The following ARHGAP33 variants were observed in gnomAD, a reference collection of about 807,000 sequenced individuals.
ARHGAP33 encodes the protein rho GTPase-activating protein 33.
In ARHGAP33, 57 loss-of-function variants were observed where a neutral mutation model predicts 126.2. That is an observed-to-expected ratio of 0.45 (90% CI 0.36 to 0.56). The LOEUF is 0.56. Among genes scored for constraint, ARHGAP33 ranks in the 20% least tolerant of loss-of-function variants. ARHGAP33 has a pLI of 0.00. For missense variants in ARHGAP33, 1,500 were observed against 1,748.3 expected, an observed-to-expected ratio of 0.86 and a Z score of 2.53; for synonymous variants, 711 against 755.0, an observed-to-expected ratio of 0.94 and a Z score of 0.95.
chr19:35,785,744 T>G, intron 19 of ARHGAP33: 2 of 1,316,666 alleles, frequency 1.5e-6, no homozygotes, highest in Non-Finnish European at 1.9e-6. Flanking sequence ...TTTAAAATAA[T>G]ATCATGGACA....
chr19:35,787,813 A>G lies in ARHGAP33; in HGVS notation c.3248A>G (p.Glu1083Gly). The G allele has an allele frequency of 6.2e-7, 1 of 1,600,986 alleles. No individual in the cohort carries two copies. Among genetic ancestry groups the G allele is most frequent in the Admixed American group, 1.8e-5 (1 of 55,888 alleles). Residue 1083 changes from glutamate (E) to glycine (G), a missense_variant, in exon 21 of 21, where the codon GAG (glutamate) becomes GGG (glycine). Glu to Gly is a moderately conservative substitution (Grantham distance 98). Around this residue, in one of 6 missense-constraint regions of ARHGAP33, gnomAD observed 642 missense variants for 634.0 expected, o/e 1.01. Transcript: ENST00000007510. ...LGPPAPLDRG[E>G]NLYYEIGASE... ...CCCCCTGCACCACTCGACAGGGGAG[A>G]GAACCTGTACTATGAGATCGGGGCA...
At chr19:35,780,070 T>C (rs1481197254) in intron 6 of ARHGAP33, 141 bp from the exon 7 acceptor site, 8 of 1,195,028 alleles carry the variant, frequency 6.7e-6, no homozygotes, top group Admixed American at 1.8e-5. Flanking sequence ...AACAGGAATC[T>C]AGGTGTTTGA....
rs1972015533 is a variant in ARHGAP33, at chr19:35,784,802, C to T, written c.1568-151C>T. 5.1e-6 allele frequency: 7 copies of T among 1,373,204 alleles called. No homozygotes were observed. In the Admixed American group the frequency reaches 1.7e-4, roughly 34 times the overall value. The allele number at this position is 1,373,204 out of a possible 1,614,324, so 85.1% of individuals were successfully genotyped here. On this transcript the variant is annotated intron_variant, in intron 16 of 20. Coordinates refer to ENST00000007510, the MANE Select transcript of ARHGAP33 (RefSeq NM_001366178.1). ...GCCCTCCTCCCACCTGCCTGCTGCCCGCCTGCTCCCGCCTGATCCGCCCCG... is the reference window on the plus strand; with the variant it reads ...GCCCTCCTCCCACCTGCCTGCTGCCTGCCTGCTCCCGCCTGATCCGCCCCG...
Position 35,775,640 on chromosome 19 carries a change from C to G in ARHGAP33, c.-19C>G, listed in dbSNP as rs1233609680. ...GCGAGGGGTCGAGCGCGGCCGGGGC[C>G]TGAGGAGGCTACGCGACCATGGTGG... On this transcript the variant is annotated 5_prime_UTR_variant, in exon 1 of 21. Transcript: ENST00000007510. 6.5e-7 allele frequency: 1 copy of G among 1,540,872 alleles called. No individual in the cohort carries two copies. The highest frequency in any genetic ancestry group is 8.7e-7 in the Non-Finnish European group (1 of 1,149,318).
intron 1 of ARHGAP33, 139 bp from the exon 2 acceptor site, chr19:35,777,506 C>A: frequency 1.4e-6 from 1 of 700,452 alleles, no homozygotes; most frequent in Non-Finnish European, 2.5e-6. Flanking sequence ...CCCTCACCTC[C>A]CCCGACCTGC....
chr19:35,784,325 C>T lies in ARHGAP33; in HGVS notation c.1567+8C>T. 3 of 1,552,222 alleles carry T rather than the reference C, an allele frequency of 1.9e-6. No individual in the cohort carries two copies. In the South Asian group the frequency reaches 3.7e-5, roughly 19 times the overall value. Reference sequence around the variant, plus strand: ...CCGGCCTCGACCCTGCAGGTATGCCCTCCCACCCCCTGAGGTCCTGGCTAC... The same window carrying T: ...CCGGCCTCGACCCTGCAGGTATGCCTTCCCACCCCCTGAGGTCCTGGCTAC... On this transcript the variant is annotated splice_region_variant and intron_variant, in intron 16 of 20. Transcript: ENST00000007510.
At chr19:35,784,026 G>T in intron 15 of ARHGAP33, 146 bp from the exon 16 acceptor site, 1 of 630,948 alleles carries the variant, frequency 1.6e-6, no homozygotes, top group Non-Finnish European at 2.6e-6. Flanking sequence ...CTGGGGGAAG[G>T]TTGAGAGCCC....
In ARHGAP33 at chr19:35,787,321, A is replaced by G; in HGVS notation, c.2756A>G (p.Glu919Gly). Residue 919 changes from glutamate to glycine, a missense_variant, in exon 21 of 21, where the codon GAG (glutamate) becomes GGG (glycine). Glu to Gly is a moderately conservative substitution (Grantham distance 98). This residue lies in a region of ARHGAP33 where 642 missense variants were observed against 634.0 expected (regional missense o/e 1.01). Coordinates refer to ENST00000007510, the MANE Select transcript of ARHGAP33 (RefSeq NM_001366178.1). ...QQVAEQQSQQ[E>G]CGGTPPASQS... is the part of the protein sequence containing the mutation. Reference sequence around the variant, plus strand: ...GTGGCCGAGCAACAGAGCCAGCAGGAGTGTGGGGGCACCCCACCTGCTTCC... The same window carrying G: ...GTGGCCGAGCAACAGAGCCAGCAGGGGTGTGGGGGCACCCCACCTGCTTCC... 1 of 1,612,124 alleles carries G rather than the reference A, an allele frequency of 6.2e-7. No homozygotes were observed. Among genetic ancestry groups the G allele is most frequent in the Non-Finnish European group, 8.5e-7 (1 of 1,179,234 alleles).
chr19:35,788,169 C>G lies in ARHGAP33; in HGVS notation c.3604C>G (p.Pro1202Ala). The G allele has an allele frequency of 6.2e-7, 1 of 1,610,098 alleles. No homozygotes were observed. The highest frequency in any genetic ancestry group is 1.1e-5 in the South Asian group (1 of 90,966). Residue 1202 changes from proline (P) to alanine (A), a missense_variant, in exon 21 of 21, where the codon CCA (proline) becomes GCA (alanine). By Grantham distance (27) the Pro-to-Ala change is conservative. This residue lies in a region of ARHGAP33 where 642 missense variants were observed against 634.0 expected (regional missense o/e 1.01). Transcript: ENST00000007510. ...HPRSRSDPGP[P>A]VPRLPQKQRA... Reference sequence around the variant, plus strand: ...CCGAAGCCGTTCAGATCCCGGTCCCCCAGTCCCCCGCCTTCCCCAGAAACA... The same window carrying G: ...CCGAAGCCGTTCAGATCCCGGTCCCGCAGTCCCCCGCCTTCCCCAGAAACA...
Position 35,786,334 on chromosome 19 carries a change from C to G in ARHGAP33, c.1943-79C>G, listed in dbSNP as rs1417825949. 1 of 1,460,998 alleles carries G rather than the reference C, an allele frequency of 6.8e-7. No individual in the cohort carries two copies. The highest frequency in any genetic ancestry group is 1.4e-5 in the African/African-American group (1 of 70,624). 90.5% of individuals were successfully genotyped at this position (1,460,998 alleles called of 1,614,324 possible). On this transcript the variant is annotated intron_variant, in intron 19 of 20. Transcript: ENST00000007510. The surrounding 1 kb of genome is among the most constrained non-coding windows in gnomAD (Gnocchi z 7.0). ...CTGTGGCCCTCTCCAGGAGGCGCCT[C>G]TTCATGTCCTTTCCCCAGCTTTCTG...
rs528984139 is a variant in ARHGAP33 at position 35,786,658 on chromosome 19, C to A, written c.2188C>A (p.Arg730Ser). Residue 730 changes from arginine (R) to serine (S), a missense_variant, in exon 20 of 21, where the codon CGC (arginine) becomes AGC (serine). Transcript: ENST00000007510. This position sits in a 1 kb window ranked among gnomAD's most constrained non-coding sequence, Gnocchi z 7.0. The part of the protein sequence containing the change: ...DGDELDFSPP[R>S]CLEGLRGLDF... ...TGATGAGCTGGACTTCAGCCCACCC[C>A]GCTGCCTGGAGGGACTCCGGGGGCT... The A allele has an allele frequency of 7.2e-6, 11 of 1,535,686 alleles. No individual in the cohort carries two copies. In the African/African-American group the frequency reaches 1.5e-4, roughly 21 times the overall value.
Position 35,780,256 on chromosome 19 carries a change from C to T in ARHGAP33, c.547C>T (p.Leu183Phe), listed in dbSNP as rs1971685239. 1 of 1,613,910 alleles carries T rather than the reference C, an allele frequency of 6.2e-7. No individual in the cohort carries two copies. Among genetic ancestry groups the T allele is most frequent in the Non-Finnish European group, 8.5e-7 (1 of 1,180,042 alleles). Reference protein sequence around the residue: ...RRLLLSEEASLNIPAVAAAHV... With the variant: ...RRLLLSEEASFNIPAVAAAHV... ...ACTGCTCCTCAGTGAGGAGGCGTCACTCAATATCCCTGCAGTGGCGGCCGC... is the reference window on the plus strand; with the variant it reads ...ACTGCTCCTCAGTGAGGAGGCGTCATTCAATATCCCTGCAGTGGCGGCCGC... The change falls in exon 7 of 21, where the codon CTC becomes TTC. Residue 183 changes from leucine to phenylalanine, a missense_variant. By Grantham distance (22) the Leu-to-Phe change is conservative. This residue lies in a region of ARHGAP33 where 75 missense variants were observed against 152.7 expected (regional missense o/e 0.49). Transcript: ENST00000007510.
At chr19:35,785,585 G>A (rs923823550) in intron 19 of ARHGAP33, 102 bp downstream of exon 19, 59 of 1,548,804 alleles carry the variant, frequency 3.8e-5, no homozygotes, top group Non-Finnish European at 5.0e-5. Flanking sequence ...TCACATTTGG[G>A]GGCCCTGGGG....
intron 19 of ARHGAP33, chr19:35,785,900 A>G (rs1241184741): frequency 5.5e-5 from 60 of 1,097,386 alleles, no homozygotes; most frequent in Non-Finnish European, 6.3e-5. Context: ...TGTAAGGATC[A>G]TACTGCTCAG....
chr19:35,785,901 T>C, intron 19 of ARHGAP33: 1 of 1,096,110 alleles, frequency 9.1e-7, no homozygotes, highest in Non-Finnish European at 1.1e-6. Flanking sequence ...GTAAGGATCA[T>C]ACTGCTCAGT....
At chr19:35,777,503 C>T (rs1971517353) in intron 1 of ARHGAP33, 142 bp from the exon 2 acceptor site, 2 of 688,440 alleles carry the variant, frequency 2.9e-6, no homozygotes, top group Non-Finnish European at 2.6e-6. Context: ...CAGCCCTCAC[C>T]TCCCCCGACC....
Position 35,787,711 on chromosome 19 carries a change from A to G in ARHGAP33, c.3146A>G (p.Lys1049Arg), listed in dbSNP as rs774361603. 1 of 1,592,458 alleles carries G rather than the reference A, an allele frequency of 6.3e-7. No homozygotes were observed. Among genetic ancestry groups the G allele is most frequent in the Non-Finnish European group, 8.5e-7 (1 of 1,173,926 alleles). The change falls in exon 21 of 21, where the codon AAG becomes AGG. Residue 1049 changes from lysine (K) to arginine (R), a missense_variant. By Grantham distance (26) the Lys-to-Arg change is conservative. Around this residue, in one of 6 missense-constraint regions of ARHGAP33, gnomAD observed 642 missense variants for 634.0 expected, o/e 1.01. Transcript: ENST00000007510. Reference protein sequence around the residue: ...ECLPPFLGVPKPGLYPLGPPS... With the variant: ...ECLPPFLGVPRPGLYPLGPPS... ...CTGCCACCCTTCCTCGGGGTCCCCA[A>G]GCCAGGCTTGTACCCCCTGGGCCCC...
In ARHGAP33 at chr19:35,787,641, C is replaced by T; in HGVS notation, c.3076C>T (p.Gln1026Ter). 6.3e-7 allele frequency: 1 copy of T among 1,592,952 alleles called. No homozygotes were observed. Among genetic ancestry groups the T allele is most frequent in the East Asian group, 2.2e-5 (1 of 44,742 alleles). ...AAQSPCSVPS[Q>*]VPTPGFFSPA... The stretch of plus-strand genomic sequence containing the variant: ...CCAGTCCCCATGTTCTGTCCCCTCA[C>T]AGGTTCCTACCCCCGGCTTCTTCTC... The change falls in exon 21 of 21, where the codon CAG becomes TAG. Residue 1026 changes from glutamine to a stop codon, truncating the protein, a stop_gained. Coordinates refer to ENST00000007510, the MANE Select transcript of ARHGAP33 (RefSeq NM_001366178.1). LOFTEE classifies it high-confidence loss of function.
At chr19:35,777,780 G>A (rs767491676) in intron 2 of ARHGAP33, 38 bp downstream of exon 2, 1 of 1,613,732 alleles carries the variant, frequency 6.2e-7, no homozygotes, top group Non-Finnish European at 8.5e-7. Context: ...CTAGGAGCTG[G>A]GGAGACTCAA....
Sources: gnomAD v4.1 joint callset for allele counts on GRCh38, gnomAD v4.1.1 for gene constraint, gnomAD v4.1.1 regional missense constraint, Gnocchi (gnomAD v3.1) non-coding constraint, MANE v1.5 for transcripts, NCBI Gene and HGNC (gene_info 2026-07-23, HGNC 2026-07-21) for gene names.